The following COL1A2 variants were observed in gnomAD, a reference collection of about 807,000 sequenced individuals.
COL1A2 encodes collagen type I alpha 2 chain.
In COL1A2, 49 loss-of-function variants were observed where a neutral mutation model predicts 174.3. The ratio of observed to expected loss-of-function variants is 0.28; its 90% CI spans 0.22 to 0.36. The LOEUF is 0.36. COL1A2 is among the 10% of genes least tolerant of loss of function. COL1A2 has a pLI of 1.00. For missense variants in COL1A2, 1,438 were observed against 1,822.7 expected, an observed-to-expected ratio of 0.79 and a Z score of 3.84; for synonymous variants, 655 against 606.6, an observed-to-expected ratio of 1.08 and a Z score of -1.17.
Position 94,399,551 on chromosome 7 carries a change from C to T in COL1A2, c.132+467C>T, listed in dbSNP as rs984092447. ...TTTGTGGCATTCTTAAATCTCCCTGCTATGCTTATTTGACATTTATAACTA... is the reference window on the plus strand; with the variant it reads ...TTTGTGGCATTCTTAAATCTCCCTGTTATGCTTATTTGACATTTATAACTA... On this transcript the variant is annotated intron_variant, in intron 4 of 51. Transcript: ENST00000297268. Among the ~76,000 whole-genome samples the T allele has an allele frequency of 2.6e-5, 4 of 152,144 alleles. No homozygotes were observed. In the East Asian group the frequency reaches 5.8e-4, roughly 22 times the overall value.
At chr7:94,427,461 C>A in intron 48 of COL1A2, 166 bp downstream of exon 48, 1 of 1,056,514 alleles carries the variant, frequency 9.5e-7, no homozygotes, top group Non-Finnish European at 1.4e-6. Context: ...TTAAGTCCAT[C>A]CCTGCAAGTG....
intron 40 of COL1A2, 60 bp downstream of exon 40, chr7:94,423,178 A>G: frequency 6.3e-7 from 1 of 1,590,532 alleles, no homozygotes; most frequent in Non-Finnish European, 8.6e-7. Context: ...TAAAGCCCCT[A>G]CACAAATCTT....
chr7:94,397,428 A>G (rs1791605556), intron 1 of COL1A2, among the ~76,000 whole-genome samples: 1 of 152,204 alleles, frequency 6.6e-6, no homozygotes, highest in Admixed American at 6.5e-5. Context: ...TGTGCACTTT[A>G]CCAGCTTAAT....
intron 23 of COL1A2, among the ~76,000 whole-genome samples, chr7:94,411,687 T>C (rs42523): frequency 0.2 from 29,767 of 152,202 alleles, 3,609 homozygotes; most frequent in East Asian, 0.26. Context: ...AATTGTACCA[T>C]AAACAAGTAA....
chr7:94,401,519 TA>T, intron 5 of COL1A2, 47 bp from the exon 6 acceptor site: 1 of 935,356 alleles, frequency 1.1e-6, no homozygotes, highest in Non-Finnish European at 1.4e-6. Context: ...GACTAGTAAC[TA>T]AAAATATTTT....
At chr7:94,406,191 T>C in intron 11 of COL1A2, 59 bp from the exon 12 acceptor site, 1 of 1,559,418 alleles carries the variant, frequency 6.4e-7, no homozygotes, top group South Asian at 1.1e-5. Flanking sequence ...TACAATACAA[T>C]TTTTATTTGA....
Position 94,426,823 on chromosome 7 carries a change from T to A in COL1A2, c.3106-185T>A, listed in dbSNP as rs1450210303. On this transcript the variant is annotated intron_variant, in intron 46 of 51. Transcript: ENST00000297268. ...AATGACTAATATTGCACTGCTGAAA[T>A]AGGTTGTGAAAAAAAAATTGAATAT... The A allele has an allele frequency of 7.7e-6, 5 of 647,202 alleles. No homozygotes were observed. The East Asian group carries it at 1.4e-4, about 18-fold the overall frequency. The allele number at this position is 647,202 out of a possible 1,614,324, so 40.1% of individuals were successfully genotyped here.
Position 94,430,293 on chromosome 7 carries a change from A to G in COL1A2, c.4001A>G (p.Asn1334Ser), listed in dbSNP as rs1318319912. ...AAGACAATCATTGAATACAAAACAA[A>G]TAAGCCATCACGCCTGCCCTTCCTT... ...WGKTIIEYKT[N>S]KPSRLPFLDI... is the part of the protein sequence containing the mutation. The change falls in exon 52 of 52, where the codon AAT (asparagine) becomes AGT (serine). Residue 1334 changes from asparagine to serine, a missense_variant. Coordinates refer to ENST00000297268, the MANE Select transcript of COL1A2 (RefSeq NM_000089.4). 1 of 1,614,140 alleles carries G rather than the reference A, an allele frequency of 6.2e-7. No individual in the cohort carries two copies. Among genetic ancestry groups the G allele is most frequent in the East Asian group, 2.2e-5 (1 of 44,876 alleles).
chr7:94,397,861 C>A, intron 2 of COL1A2, 103 bp downstream of exon 2: 2 of 680,338 alleles, frequency 2.9e-6, no homozygotes, highest in South Asian at 3.9e-5. Flanking sequence ...ATTGACCATC[C>A]TAGATTCCCA....
At chr7:94,428,609 A>C in intron 50 of COL1A2, 132 bp downstream of exon 50, 5 of 832,472 alleles carry the variant, frequency 6.0e-6, no homozygotes, top group Non-Finnish European at 5.9e-6. Context: ...CCTGGGTTCC[A>C]ATTTTGTCCT....
rs42518 is a variant in COL1A2 at position 94,409,622 on chromosome 7, C to T, written c.936+14C>T. The T allele has an allele frequency of 0.78, 1,255,445 of 1,613,822 alleles. 490,916 individuals are homozygous for T. The highest frequency in any genetic ancestry group is 0.94 in the East Asian group (41,979 of 44,864). The stretch of plus-strand genomic sequence containing the variant: ...AAGGGTGCTGCTGTGAGTATACCTG[C>T]GTAGCTAAAATGTGCTGCTATGATT... On this transcript the variant is annotated intron_variant, in intron 18 of 51. Coordinates refer to ENST00000297268, the MANE Select transcript of COL1A2 (RefSeq NM_000089.4).
chr7:94,400,371 G>A lies in COL1A2; in HGVS notation c.225+83G>A, dbSNP rs1791667008. The A allele has an allele frequency of 3.4e-6, 4 of 1,180,496 alleles. No homozygotes were observed. In the Admixed American group the frequency reaches 7.2e-5, roughly 21 times the overall value. The allele number at this position is 1,180,496 out of a possible 1,614,324, so 73.1% of individuals were successfully genotyped here. A position where few individuals can be genotyped will look rare whatever the true frequency, so the allele number is the denominator to read the frequency against. On this transcript the variant is annotated intron_variant, in intron 5 of 51. Transcript: ENST00000297268. The stretch of plus-strand genomic sequence containing the variant: ...TGTGGAATTTATTTTTAGCAGTTAA[G>A]GGATAATTCTTCCATTTGAAAATTA...
chr7:94,421,747 C>T, intron 38 of COL1A2, 152 bp from the exon 39 acceptor site: 2 of 690,732 alleles, frequency 2.9e-6, no homozygotes, highest in Non-Finnish European at 5.1e-6. Flanking sequence ...AGGGTCCTGG[C>T]TAAATAATGC....
intron 12 of COL1A2, among the ~76,000 whole-genome samples, chr7:94,406,775 A>G (rs890084629): frequency 2.0e-5 from 3 of 152,212 alleles, no homozygotes; most frequent in Non-Finnish European, 4.4e-5. Context: ...TTAGGTAATT[A>G]AAGTCTCAGA....
intron 6 of COL1A2, among the ~76,000 whole-genome samples, chr7:94,402,016 A>G (rs534649696): frequency 2.6e-5 from 4 of 152,276 alleles, no homozygotes; most frequent in South Asian, 4.1e-4. Flanking sequence ...ACTTAGAGGC[A>G]TAGAACTATT....
chr7:94,412,083 C>A lies in COL1A2; in HGVS notation c.1366C>A (p.Pro456Thr). 1 of 1,612,576 alleles carries A rather than the reference C, an allele frequency of 6.2e-7. No homozygotes were observed. The highest frequency in any genetic ancestry group is 8.5e-7 in the Non-Finnish European group (1 of 1,179,184). ...TATTTTATAGGGTCTTCCTGGTTCC[C>A]CTGGAAATATCGGCCCCGCTGGAAA... The part of the protein sequence containing the change: ...LMGPRGLPGS[P>T]GNIGPAGKEG... The change falls in exon 24 of 52, where the codon CCT becomes ACT. Residue 456 changes from proline (P) to threonine (T), a missense_variant. Physicochemically the swap from Pro to Thr is conservative, Grantham distance 38 (BLOSUM62 -1). Coordinates refer to ENST00000297268, the MANE Select transcript of COL1A2 (RefSeq NM_000089.4).
chr7:94,415,082 GT>G, intron 29 of COL1A2, 143 bp from the exon 30 acceptor site: 1 of 721,210 alleles, frequency 1.4e-6, no homozygotes, highest in Admixed American at 1.9e-5. Context: ...ACTAAAAGTT[GT>G]TCTTATTAGC....
intron 41 of COL1A2, 58 bp downstream of exon 41, chr7:94,424,501 C>A: frequency 6.9e-7 from 1 of 1,452,670 alleles, no homozygotes; most frequent in South Asian, 1.1e-5. Context: ...TAAAAGCTGC[C>A]ACTTCAAATG....
intron 39 of COL1A2, 181 bp from the exon 40 acceptor site, chr7:94,422,776 A>C (rs2115940196): frequency 4.0e-6 from 3 of 741,788 alleles, no homozygotes; most frequent in South Asian, 1.7e-5. Context: ...ATAAAGGAAG[A>C]CAGGAGTTGC....
Sources: gnomAD v4.1 joint callset for allele counts (sites outside exome capture counted in the v4.1 genomes callset) on GRCh38, gnomAD v4.1.1 for gene constraint, MANE v1.5 for transcripts, NCBI Gene and HGNC (gene_info 2026-07-23, HGNC 2026-07-21) for gene names.